CFP: variants seen among roughly 807,000 people sequenced by gnomAD.
CFP encodes properdin.
CFP carries 14 observed loss-of-function variants against 42.1 expected under a neutral mutation model. The ratio of observed to expected loss-of-function variants is 0.33; its 90% confidence interval spans 0.22 to 0.52. The LOEUF is 0.52. CFP is among the 20% of genes least tolerant of loss of function. The probability of loss-of-function intolerance (pLI) is 0.96; values close to 1 mark genes in which losing one functional copy is unlikely to be tolerated. For missense variants in CFP, 318 were observed against 400.4 expected (o/e 0.79, Z 1.76); for synonymous variants, 149 against 160.6 (o/e 0.93, Z 0.54).
chrX:47,629,706 G>GCC, intron 1 of CFP, 32 bp from the exon 2 acceptor site: 1 of 676,243 alleles, frequency 1.5e-6, no homozygotes, highest in South Asian at 2.3e-5. Context: ...GGTGGGTGGG[G>GCC]CTCGGTCAGG....
chrX:47,629,050 T>C (rs933196689), intron 2 of CFP: 4 of 149,713 alleles, frequency 2.7e-5, no homozygotes, highest in African/African-American at 1.3e-4. Context: ...GCCCCCACAG[T>C]GTGTCCATAT....
Position 47,627,541 on chromosome X carries a change from G to C in CFP, c.504C>G (p.Pro168=). 1 of 1,210,444 alleles carries C rather than the reference G, an allele frequency of 8.3e-7. No homozygotes were observed. Among genetic ancestry groups the C allele is most frequent in the Admixed American group, 2.2e-5 (1 of 46,025 alleles). ...GTCCTGGGCAGTGGCCCCCACACTT[G>C]GGAGCAGGGTGATTACAGGCTCGCC... The part of the protein sequence containing the change: ...TRRRACNHPA[P]KCGGHCPGQA... Residue 168 remains proline, a synonymous_variant, in exon 4 of 9, where the codon CCC becomes CCG. Coordinates refer to ENST00000396992, the MANE Select transcript of CFP (RefSeq NM_001145252.3).
In CFP at chrX:47,628,287, A is replaced by C; in HGVS notation, c.228-10T>G. On this transcript the variant is annotated splice_polypyrimidine_tract_variant and intron_variant, in intron 2 of 8. Coordinates refer to ENST00000396992, the MANE Select transcript of CFP (RefSeq NM_001145252.3). ...GGACCATCGTGGGGACCTGTGGAGA[A>C]GAGCACACACATCCCATCCTGGCAT... is the stretch of plus-strand genomic sequence containing the variant. The C allele has an allele frequency of 8.3e-7, 1 of 1,202,656 alleles. No homozygotes were observed.
At chrX:47,629,236 T>G in intron 2 of CFP, 1 of 332,800 alleles carries the variant, frequency 3.0e-6, no homozygotes. Flanking sequence ...TCTGCTGACA[T>G]GTTTGGTTGT....
intron 4 of CFP, 68 bp downstream of exon 4, chrX:47,627,403 T>A: frequency 8.3e-7 from 1 of 1,198,448 alleles, no homozygotes; most frequent in Non-Finnish European, 1.1e-6. Context: ...GCCTGGCAGT[T>A]CCCTGCTGTA....
In CFP at chrX:47,629,558, G is replaced by T. The variant is rs865828359; in HGVS notation, c.193C>A (p.Gln65Lys). Residue 65 changes from glutamine (Q) to lysine (K), a missense_variant, in exon 2 of 9, where the codon CAG (glutamine) becomes AAG (lysine). Coordinates refer to ENST00000396992, the MANE Select transcript of CFP (RefSeq NM_001145252.3). ...DCCLNTAFAY[Q>K]KRSGGLCQPC... is the part of the protein sequence containing the mutation. ...TGACAGAGCCCACCACTACGTTTCTGGTAGGCAAAGGCAGTGTTGAGACAG... is the reference window on the plus strand; with the variant it reads ...TGACAGAGCCCACCACTACGTTTCTTGTAGGCAAAGGCAGTGTTGAGACAG... The T allele has an allele frequency of 8.6e-7, 1 of 1,166,848 alleles. No homozygotes were observed.
chrX:47,624,814 G>A, intron 8 of CFP: 1 of 147,671 alleles, frequency 6.8e-6, no homozygotes, highest in Non-Finnish European at 1.3e-5. Context: ...GAGAATGGTA[G>A]GAATAGTAAT....
chrX:47,626,722 G>C (rs371036084), intron 6 of CFP, 51 bp downstream of exon 6: 2 of 1,164,733 alleles, frequency 1.7e-6, no homozygotes, highest in African/African-American at 3.5e-5. Flanking sequence ...GGGCAGCAGA[G>C]AAGGGCAAGG....
chrX:47,628,073 T>C (rs753702471), intron 3 of CFP, 29 bp downstream of exon 3: 3 of 1,207,148 alleles, frequency 2.5e-6, no homozygotes, highest in East Asian at 3.0e-5. Context: ...TGACAGGGAG[T>C]GCTTGCCCGC....
At position 47,629,796 on chromosome X, in the gene CFP, G is replaced by A; in HGVS notation, c.49C>T (p.Leu17Phe). 8.6e-7 allele frequency: 1 copy of A among 1,168,544 alleles called. No individual in the cohort carries two copies. The highest frequency in any genetic ancestry group is 1.8e-5 in the African/African-American group (1 of 56,275). Residue 17 changes from leucine (L) to phenylalanine (F), a missense_variant, in exon 1 of 9, where the codon CTC becomes TTC. Leu to Phe is a conservative substitution (Grantham distance 22). Coordinates refer to ENST00000396992, the MANE Select transcript of CFP (RefSeq NM_001145252.3). Reference protein sequence around the residue: ...QAPRLLLPPLLLLLTLPATGS... With the variant: ...QAPRLLLPPLFLLLTLPATGS... ...GTGGCTGGCAGGGTGAGCAGCAGGA[G>A]CAGCGGCGGCAGCAACAATCGAGGG...
intron 2 of CFP, 99 bp downstream of exon 2, chrX:47,629,425 A>T: frequency 3.0e-6 from 2 of 677,797 alleles, no homozygotes; most frequent in Non-Finnish European, 4.5e-6. Context: ...CCTCAGGGCC[A>T]CCCTTGGAAG....
chrX:47,627,188 C>T lies in CFP; in HGVS notation c.719G>A (p.Gly240Glu). 2 of 1,211,902 alleles carry T rather than the reference C, an allele frequency of 1.7e-6. No homozygotes were observed. Among genetic ancestry groups the T allele is most frequent in the Non-Finnish European group, 2.2e-6 (2 of 895,399 alleles). Reference sequence around the variant, plus strand: ...GCACCTCCGCTGCTCGTAGGCTAGCCCCGGGCAGGGCTTCCCAGGAGGTTT... The same window carrying T: ...GCACCTCCGCTGCTCGTAGGCTAGCTCCGGGCAGGGCTTCCCAGGAGGTTT... Reference protein sequence around the residue: ...SQKPPGKPCPGLAYEQRRCTG... With the variant: ...SQKPPGKPCPELAYEQRRCTG... Residue 240 changes from glycine (G) to glutamate (E), a missense_variant, in exon 5 of 9, where the codon GGG becomes GAG. Coordinates refer to ENST00000396992, the MANE Select transcript of CFP (RefSeq NM_001145252.3).
In CFP at chrX:47,629,497, C is replaced by T. The variant is rs1446043822; in HGVS notation, c.227+27G>A. On this transcript the variant is annotated intron_variant, in intron 2 of 8. Transcript: ENST00000396992. ...CCACAGACAGTCCTTCCCTCCCCCC[C>T]ATCCCCCACCCCAGGCTCCCCCTAA... 1.0e-5 allele frequency: 8 copies of T among 774,848 alleles called. No homozygotes were observed. The East Asian group carries it at 2.2e-4, about 21-fold the overall frequency. 63.9% of individuals were successfully genotyped at this position (774,848 alleles called of 1,213,427 possible).
chrX:47,627,416 C>T, intron 4 of CFP, 55 bp downstream of exon 4: 1 of 1,203,033 alleles, frequency 8.3e-7, no homozygotes, highest in South Asian at 1.8e-5. Flanking sequence ...CTGCTGTAAC[C>T]CCGCAGACCC....
intron 2 of CFP, chrX:47,628,820 G>C: frequency 4.7e-6 from 1 of 215,053 alleles, no homozygotes; most frequent in Admixed American, 5.8e-5. Context: ...GTGTATCTGG[G>C]ATATATAGTA....
At chrX:47,627,777 C>A (rs1202028357) in intron 3 of CFP, 136 bp from the exon 4 acceptor site, 3 of 695,063 alleles carry the variant, frequency 4.3e-6, no homozygotes, top group Non-Finnish European at 6.2e-6. Flanking sequence ...TCCCCGCTCA[C>A]CGGGCCTGCC....
Position 47,626,842 on chromosome X carries a change from G to T in CFP, c.871C>A (p.His291Asn). 8.3e-7 allele frequency: 1 copy of T among 1,210,868 alleles called. No homozygotes were observed. Among genetic ancestry groups the T allele is most frequent in the East Asian group, 3.0e-5 (1 of 33,791 alleles). ...TCGCCAGCACAGAAGGGGCCCCCATGCTGGGGCACAGGGTGATTGCACGTC... is the reference window on the plus strand; with the variant it reads ...TCGCCAGCACAGAAGGGGCCCCCATTCTGGGGCACAGGGTGATTGCACGTC... ...QRTCNHPVPQHGGPFCAGDAT... is the reference protein window; with the variant it reads ...QRTCNHPVPQNGGPFCAGDAT... The change falls in exon 6 of 9, where the codon CAT becomes AAT. Residue 291 changes from histidine to asparagine, a missense_variant. Transcript: ENST00000396992.
chrX:47,625,788 G>A (rs2057965607), intron 8 of CFP: 1 of 400,742 alleles, frequency 2.5e-6, no homozygotes. Context: ...AAAAGCATGG[G>A]TAACTGAAGG....
chrX:47,624,319 G>C lies in CFP; in HGVS notation c.1366C>G (p.Leu456Val), dbSNP rs747581281. 8.3e-6 allele frequency: 10 copies of C among 1,210,728 alleles called. No homozygotes were observed. The East Asian group carries it at 2.7e-4, about 32-fold the overall frequency. Reference protein sequence around the residue: ...KLVVEEKRPCLHVPACKDPEE... With the variant: ...KLVVEEKRPCVHVPACKDPEE... ...GGGTCTTTGCAAGCAGGCACGTGTA[G>C]ACATGGTCGTTTCTCCTCCACCACC... Residue 456 changes from leucine to valine, a missense_variant, in exon 9 of 9, where the codon CTA becomes GTA. Coordinates refer to ENST00000396992, the MANE Select transcript of CFP (RefSeq NM_001145252.3).
Sources: allele counts gnomAD v4.1 joint callset, GRCh38; gene constraint gnomAD v4.1.1; transcripts MANE v1.5; gene names NCBI Gene and HGNC (gene_info 2026-07-23, HGNC 2026-07-21).